ZBTB46: variants seen among roughly 807,000 people sequenced by gnomAD.
The protein encoded by ZBTB46 is zinc finger and BTB domain containing 46.
In ZBTB46, 8 loss-of-function variants were observed where a neutral mutation model predicts 44.1. The observed-to-expected ratio is 0.18, with a 90% CI of 0.11 to 0.33. The LOEUF is 0.33. ZBTB46 is among the 10% of genes least tolerant of loss of function. The pLI is 1.00. For missense variants in ZBTB46, 651 were observed against 847.7 expected, an observed-to-expected ratio of 0.77 and a Z score of 2.88; for synonymous variants, 409 against 382.3, an observed-to-expected ratio of 1.07 and a Z score of -0.81.
At chr20:63,807,404 G>A (rs958439996) in intron 1 of ZBTB46, among the ~76,000 whole-genome samples, 1 of 152,150 alleles carries the variant, frequency 6.6e-6, no homozygotes, top group Non-Finnish European at 1.5e-5. Context: ...GAGTGCAGTG[G>A]CGCCATCTTG....
At chr20:63,829,508 A>G (rs1464060840) in intron 1 of ZBTB46, among the ~76,000 whole-genome samples, 1 of 152,250 alleles carries the variant, frequency 6.6e-6, no homozygotes, top group African/African-American at 2.4e-5. Context: ...CTCTTCCTTC[A>G]GTTACGGAGA....
chr20:63,769,467 A>C, intron 3 of ZBTB46: 3 of 983,682 alleles, frequency 3.0e-6, no homozygotes, highest in Non-Finnish European at 3.6e-6. Flanking sequence ...AGCACTGACG[A>C]TCTTCCCGGC....
In ZBTB46 at chr20:63,810,941, G is replaced by A. The variant is rs186390746; in HGVS notation, c.-33-20151C>T. Among the ~76,000 whole-genome samples, 43 of 152,074 alleles carry A rather than the reference G, an allele frequency of 2.8e-4. No individual in the cohort carries two copies. The East Asian group carries it at 8.1e-3, about 29-fold the overall frequency. ...GCAGAGCCGGAGAGCACCAGCTGGC[G>A]TCCAGGCTCCACTCTCTTTCCTCAC... is the stretch of plus-strand genomic sequence containing the variant. On this transcript the variant is annotated intron_variant, in intron 1 of 4. Transcript: ENST00000245663.
intron 3 of ZBTB46, chr20:63,768,053 A>G (rs1337412054): frequency 2.0e-6 from 2 of 985,228 alleles, no homozygotes; most frequent in Non-Finnish European, 2.4e-6. Context: ...TAGTGTGGAC[A>G]CTCTGCTGCC....
chr20:63,747,115 G>A lies in ZBTB46; in HGVS notation c.1585C>T (p.Pro529Ser), dbSNP rs764373003. The change falls in exon 5 of 5, where the codon CCA becomes TCA. Residue 529 changes from proline (P) to serine (S), a missense_variant. Pro to Ser is a moderately conservative substitution (Grantham distance 74). Coordinates refer to ENST00000245663, the MANE Select transcript of ZBTB46 (RefSeq NM_001369741.1). ...TCCTCCAGATAGGGCCCGTCGCCTG[G>A]GAACAGCGCCTCTGGAGAGCCCTCG... ...GGEGSPEALF[P>S]GDGPYLEDPE... 9 of 1,610,128 alleles carry A rather than the reference G, an allele frequency of 5.6e-6. No homozygotes were observed. The South Asian group carries it at 9.9e-5, about 18-fold the overall frequency.
At chr20:63,747,503 A>T (rs1281933107) in intron 4 of ZBTB46, among the ~76,000 whole-genome samples, 2 of 14,094 alleles carry the variant, frequency 1.4e-4, no homozygotes, top group East Asian at 0.011. Flanking sequence ...GGAGGTTGGG[A>T]GGGGGGCCAG....
At chr20:63,831,456 C>T (rs1222490057), upstream of ZBTB46, among the ~76,000 whole-genome samples, 12 of 144,504 alleles carry the variant, frequency 8.3e-5, no homozygotes, top group African/African-American at 2.7e-4. Flanking sequence ...GCTCGGCTCC[C>T]GGCGCCGCGC....
At chr20:63,813,140 C>A (rs1345797921) in intron 1 of ZBTB46, among the ~76,000 whole-genome samples, 1 of 151,762 alleles carries the variant, frequency 6.6e-6, no homozygotes, top group East Asian at 1.9e-4. Context: ...TATGAAACAA[C>A]CCGTGTTTTA....
At chr20:63,768,389 A>C (rs2092338380) in intron 3 of ZBTB46, among the ~76,000 whole-genome samples, 1 of 152,128 alleles carries the variant, frequency 6.6e-6, no homozygotes, top group South Asian at 2.1e-4. Flanking sequence ...TCAGGAGTTC[A>C]AGACCAGCCT....
intron 2 of ZBTB46, 71 bp downstream of exon 2, chr20:63,789,750 C>A: frequency 6.5e-7 from 1 of 1,534,974 alleles, no homozygotes; most frequent in Non-Finnish European, 8.7e-7. Context: ...TCACTGCCTC[C>A]GCACAGCACG....
In ZBTB46 at chr20:63,803,442, A is replaced by G; in HGVS notation, c.-33-12652T>C. On this transcript the variant is annotated intron_variant, in intron 1 of 4. Transcript: ENST00000245663. This position sits in a 1 kb window ranked among gnomAD's most constrained non-coding sequence, Gnocchi z 4.0. The stretch of plus-strand genomic sequence containing the variant: ...TTTCGACAGCGAGACCGGTGGTACT[A>G]TCCACATCATCTCCAGTGAGCAAGT... 1 of 985,372 alleles carries G rather than the reference A, an allele frequency of 1.0e-6. No individual in the cohort carries two copies. Among genetic ancestry groups the G allele is most frequent in the South Asian group, 4.7e-5 (1 of 21,278 alleles). The allele number at this position is 985,372 out of a possible 1,614,324, so 61.0% of individuals were successfully genotyped here. A position where few individuals can be genotyped will look rare whatever the true frequency, so the allele number is the denominator to read the frequency against.
chr20:63,801,004 G>A (rs1263573100), intron 1 of ZBTB46, among the ~76,000 whole-genome samples: 1 of 152,256 alleles, frequency 6.6e-6, no homozygotes, highest in Non-Finnish European at 1.5e-5. Context: ...CCTGAGTCTG[G>A]TGGGGACTTG....
At chr20:63,770,105 C>A (rs1477080724) in intron 3 of ZBTB46, among the ~76,000 whole-genome samples, 1 of 152,258 alleles carries the variant, frequency 6.6e-6, no homozygotes, top group African/African-American at 2.4e-5. Flanking sequence ...CCAGAGGCCG[C>A]GTCCCACATT....
intron 1 of ZBTB46, among the ~76,000 whole-genome samples, chr20:63,800,669 A>G (rs2092636906): frequency 6.6e-6 from 1 of 152,218 alleles, no homozygotes; most frequent in Admixed American, 6.5e-5. Context: ...GCCCAGGGCA[A>G]TGAGGGGCTT....
intron 1 of ZBTB46, among the ~76,000 whole-genome samples, chr20:63,828,688 T>C (rs1197041210): frequency 6.6e-6 from 1 of 152,246 alleles, no homozygotes; most frequent in Non-Finnish European, 1.5e-5. Context: ...GCAGACGCCG[T>C]GACACTGGGT....
intron 1 of ZBTB46, among the ~76,000 whole-genome samples, chr20:63,818,436 G>C (rs2092772508): frequency 6.6e-6 from 1 of 152,248 alleles, no homozygotes; most frequent in South Asian, 2.1e-4. Flanking sequence ...TCTGCAGAGG[G>C]AGGGTGGGCC....
In ZBTB46 at chr20:63,777,065, G is replaced by C. The variant is rs1416522562; in HGVS notation, c.938-1103C>G. On this transcript the variant is annotated intron_variant, in intron 2 of 4. Transcript: ENST00000245663. The stretch of plus-strand genomic sequence containing the variant: ...GGTTCCACCACACGCCACGGTTCCA[G>C]CACACGCCACGGTTCCACCACACGC... Among the ~76,000 whole-genome samples, 53 of 37,796 alleles carry C rather than the reference G, an allele frequency of 1.4e-3. 1 individual carries two copies. The highest frequency in any genetic ancestry group is 3.0e-3 in the African/African-American group (40 of 13,128). The allele number at this position is 37,796 out of a possible 152,430, so 24.8% of individuals were successfully genotyped here. A position where few individuals can be genotyped will look rare whatever the true frequency, so the allele number is the denominator to read the frequency against.
intron 1 of ZBTB46, among the ~76,000 whole-genome samples, chr20:63,810,665 G>C (rs186577459): frequency 6.6e-6 from 1 of 152,304 alleles, no homozygotes; most frequent in African/African-American, 2.4e-5. Context: ...AGAATCGTTT[G>C]AACATGGGAG....
In ZBTB46 at chr20:63,767,425, G is replaced by A. The variant is rs2092329650; in HGVS notation, c.1222+8253C>T. On this transcript the variant is annotated intron_variant, in intron 3 of 4. Coordinates refer to ENST00000245663, the MANE Select transcript of ZBTB46 (RefSeq NM_001369741.1). The surrounding 1 kb of genome is among the most constrained non-coding windows in gnomAD (Gnocchi z 5.0). ...TGGCAGCAGCCGGCAGAGGACTCGA[G>A]AAATGACCACAGAAAGGCACACACC... Among the ~76,000 whole-genome samples the A allele has an allele frequency of 1.3e-5, 2 of 152,096 alleles. No individual in the cohort carries two copies. Among genetic ancestry groups the A allele is most frequent in the Admixed American group, 6.5e-5 (1 of 15,276 alleles).
Sources: gnomAD v4.1 joint callset for allele counts (sites outside exome capture counted in the v4.1 genomes callset) on GRCh38, gnomAD v4.1.1 for gene constraint, Gnocchi (gnomAD v3.1) non-coding constraint, MANE v1.5 for transcripts, NCBI Gene and HGNC (gene_info 2026-07-23, HGNC 2026-07-21) for gene names.